The following EDIL3 variants were observed in gnomAD, a reference collection of about 807,000 sequenced individuals.
The protein encoded by EDIL3 is EGF like and discoidin domains 3.
A neutral mutation model predicts 67.4 loss-of-function variants in EDIL3; 37 were observed. That is an observed-to-expected ratio of 0.55 (90% CI 0.42 to 0.72). EDIL3 has a LOEUF of 0.72. EDIL3 is among the 30% of genes least tolerant of loss of function. The pLI is 0.00. For synonymous variants in EDIL3, 195 were observed against 196.3 expected (o/e 0.99, Z 0.05); for missense variants, 527 against 586.3 (o/e 0.90, Z 1.04).
At chr5:83,999,735 A>G (rs1211451438) in intron 9 of EDIL3, among the ~76,000 whole-genome samples, 1 of 152,164 alleles carries the variant, frequency 6.6e-6, no homozygotes, top group Non-Finnish European at 1.5e-5. Context: ...ATTCAAAGGG[A>G]TAATAGCAGA....
rs1215513052 is a variant in EDIL3, at chr5:83,942,022, TCC to T, written c.*1395_*1396del. 2 of 151,986 alleles carry T rather than the reference TCC, an allele frequency of 1.3e-5. No individual in the cohort carries two copies. Among genetic ancestry groups the T allele is most frequent in the African/African-American group, 2.4e-5 (1 of 41,434 alleles). 9.4% of individuals were successfully genotyped at this position (151,986 alleles called of 1,614,324 possible). On this transcript the variant is annotated 3_prime_UTR_variant, in exon 11 of 11. Coordinates refer to ENST00000296591, the MANE Select transcript of EDIL3 (RefSeq NM_005711.5). ...ATCTTAACATTTCATACACATACCA[TCC>T]TTTCTTTTCCAATACACTTAATTTA...
chr5:83,996,610 T>G (rs1442672921), intron 9 of EDIL3, among the ~76,000 whole-genome samples: 3 of 152,188 alleles, frequency 2.0e-5, no homozygotes, highest in African/African-American at 7.2e-5. Context: ...TACCATTTTG[T>G]GTGATGATAT....
intron 1 of EDIL3, among the ~76,000 whole-genome samples, chr5:84,377,784 T>A (rs1262422175): frequency 2.0e-5 from 3 of 152,218 alleles, no homozygotes; most frequent in Non-Finnish European, 1.5e-5. Context: ...GATACAAACC[T>A]GTTTTGGAAA....
chr5:84,365,356 T>G (rs1177546904), intron 1 of EDIL3, among the ~76,000 whole-genome samples: 3 of 152,136 alleles, frequency 2.0e-5, no homozygotes, highest in Non-Finnish European at 2.9e-5. Context: ...TGTTTTTCAT[T>G]TTAACATCCT....
intron 1 of EDIL3, among the ~76,000 whole-genome samples, chr5:84,279,211 C>T (rs888852486): frequency 2.0e-5 from 3 of 152,148 alleles, no homozygotes; most frequent in African/African-American, 4.8e-5. Flanking sequence ...CCAACTCCCT[C>T]CAGGAAGCAG....
chr5:84,090,773 T>G (rs1219289302), intron 6 of EDIL3, among the ~76,000 whole-genome samples: 1 of 151,398 alleles, frequency 6.6e-6, no homozygotes, highest in Non-Finnish European at 1.5e-5. Context: ...TGGTGAAACC[T>G]TATCTCTACT....
chr5:84,361,291 A>G (rs1162012558), intron 1 of EDIL3, among the ~76,000 whole-genome samples: 6 of 151,882 alleles, frequency 4.0e-5, no homozygotes, highest in African/African-American at 1.4e-4. Flanking sequence ...ACACACACAC[A>G]CACACACACA....
intron 4 of EDIL3, among the ~76,000 whole-genome samples, chr5:84,156,401 G>A (rs573495494): frequency 4.6e-5 from 7 of 152,260 alleles, no homozygotes; most frequent in African/African-American, 1.7e-4. Context: ...CAGGGATGTA[G>A]GCTCAAGGAC....
chr5:84,346,071 C>A (rs1747231942), intron 1 of EDIL3, among the ~76,000 whole-genome samples: 1 of 150,774 alleles, frequency 6.6e-6, no homozygotes, highest in Admixed American at 6.6e-5. Context: ...TCATTCATTT[C>A]ATTCATTTAT....
At chr5:84,132,510 T>C (rs1243524186) in intron 5 of EDIL3, among the ~76,000 whole-genome samples, 1 of 109,044 alleles carries the variant, frequency 9.2e-6, no homozygotes, top group East Asian at 2.4e-4. Context: ...TTATATATAA[T>C]ATATATTTTA....
At chr5:84,073,208 G>T (rs1193347091) in intron 6 of EDIL3, among the ~76,000 whole-genome samples, 1 of 152,018 alleles carries the variant, frequency 6.6e-6, no homozygotes, top group Non-Finnish European at 1.5e-5. Flanking sequence ...AAAATAATAA[G>T]GGCTATCTAT....
chr5:84,270,842 G>T (rs1745457757), intron 1 of EDIL3, among the ~76,000 whole-genome samples: 2 of 152,118 alleles, frequency 1.3e-5, no homozygotes, highest in South Asian at 4.1e-4. Flanking sequence ...GGAGAAGGCA[G>T]ACATGAAAAT....
chr5:84,005,401 A>T (rs1477447166), intron 9 of EDIL3, among the ~76,000 whole-genome samples: 1 of 152,152 alleles, frequency 6.6e-6, no homozygotes, highest in Non-Finnish European at 1.5e-5. Context: ...AATATCCCTG[A>T]CGAACATAGA....
At chr5:84,343,349 C>G (rs537372176) in intron 1 of EDIL3, among the ~76,000 whole-genome samples, 1 of 151,738 alleles carries the variant, frequency 6.6e-6, no homozygotes, top group African/African-American at 2.4e-5. Context: ...AACTTCTGTT[C>G]TTGGCTATGT....
At chr5:84,155,104 G>A (rs12153170) in intron 4 of EDIL3, among the ~76,000 whole-genome samples, 16,108 of 152,044 alleles carry the variant, frequency 0.11, 1,080 homozygotes, top group Middle Eastern at 0.21. Flanking sequence ...CCCTTTCTTG[G>A]ATCCTAGGTT....
chr5:84,153,718 C>T lies in EDIL3; in HGVS notation c.356-16364G>A, dbSNP rs1474254418. ...CCTCAGGAGGTCCACCCACCTCGGC[C>T]TCCCAAAGTGCTGCGATTACAGGAG... On this transcript the variant is annotated intron_variant, in intron 4 of 10. Transcript: ENST00000296591. Among the ~76,000 whole-genome samples, 3 of 152,180 alleles carry T rather than the reference C, an allele frequency of 2.0e-5. No homozygotes were observed. In the East Asian group the frequency reaches 5.8e-4, roughly 29 times the overall value.
intron 9 of EDIL3, among the ~76,000 whole-genome samples, chr5:84,009,808 A>G (rs959926914): frequency 8.5e-5 from 13 of 152,192 alleles, no homozygotes; most frequent in African/African-American, 2.7e-4. Flanking sequence ...TGTGGGAAGA[A>G]AGAACTTTCC....
In EDIL3 at chr5:84,106,838, C is replaced by T; in HGVS notation, c.470-8G>A. 1 of 1,583,276 alleles carries T rather than the reference C, an allele frequency of 6.3e-7. No homozygotes were observed. The highest frequency in any genetic ancestry group is 8.6e-7 in the Non-Finnish European group (1 of 1,168,824). Reference sequence around the variant, plus strand: ...CCAGTGGGCCTGAGCATTCTGGAAACAAAAACAGGAAAAAATATGAATGTA... The same window carrying T: ...CCAGTGGGCCTGAGCATTCTGGAAATAAAAACAGGAAAAAATATGAATGTA... On this transcript the variant is annotated splice_polypyrimidine_tract_variant and splice_region_variant and intron_variant, in intron 5 of 10. Transcript: ENST00000296591.
At chr5:84,079,646 T>G (rs180800868) in intron 6 of EDIL3, among the ~76,000 whole-genome samples, 3 of 152,204 alleles carry the variant, frequency 2.0e-5, no homozygotes, top group African/African-American at 7.2e-5. Flanking sequence ...AATACAAATG[T>G]GTCTCAGGCA....
Sources: gnomAD v4.1 joint callset for allele counts (sites outside exome capture counted in the v4.1 genomes callset) on GRCh38, gnomAD v4.1.1 for gene constraint, MANE v1.5 for transcripts, NCBI Gene and HGNC (gene_info 2026-07-23, HGNC 2026-07-21) for gene names.